The following CEP72 variants were observed in gnomAD, a reference collection of about 807,000 sequenced individuals.
CEP72 encodes centrosomal protein of 72 kDa.
In CEP72, 78 loss-of-function variants were observed where a neutral mutation model predicts 65.7. The ratio of observed to expected loss-of-function variants is 1.19; its 90% CI spans 0.99 to 1.43. The LOEUF (loss-of-function observed/expected upper bound fraction) is 1.43. Among genes scored for constraint, CEP72 ranks in the 40% most tolerant of loss-of-function variants. The pLI, the probability that CEP72 is intolerant of heterozygous loss-of-function variation, is 0.00. For missense variants in CEP72, 914 were observed against 832.9 expected (o/e 1.10, Z -1.20); for synonymous variants, 358 against 351.7 (o/e 1.02, Z -0.20).
At chr5:653,614 G>C (rs188216951), downstream of CEP72, 2 of 153,044 alleles carry the variant, frequency 1.3e-5, no homozygotes, top group African/African-American at 4.8e-5. Context: ...GTTTTTTATA[G>C]AACAAGCTGT....
Position 647,919 on chromosome 5 carries a change from G to T in CEP72, c.1778+3G>T. 1.9e-6 allele frequency: 3 copies of T among 1,605,466 alleles called. No homozygotes were observed. The highest frequency in any genetic ancestry group is 2.6e-6 in the Non-Finnish European group (3 of 1,175,082). On this transcript the variant is annotated splice_donor_region_variant and intron_variant, in intron 11 of 11. Transcript: ENST00000264935. Reference sequence around the variant, plus strand: ...CAGATGCTGCAGGAGAGCCACAGGTGCCTGCCCGTGAGACTTGGGTGGGCC... The same window carrying T: ...CAGATGCTGCAGGAGAGCCACAGGTTCCTGCCCGTGAGACTTGGGTGGGCC...
At chr5:648,552 ACTGTGAGG>A in intron 11 of CEP72, among the ~76,000 whole-genome samples, 1 of 107,386 alleles carries the variant, frequency 9.3e-6, no homozygotes, top group Admixed American at 9.6e-5. Flanking sequence ...GTGAGGTGTG[ACTGTGAGG>A]TGTGGACTGT....
intron 7 of CEP72, among the ~76,000 whole-genome samples, chr5:638,856 G>A (rs1230783818): frequency 6.6e-6 from 1 of 152,094 alleles, no homozygotes; most frequent in African/African-American, 2.4e-5. Context: ...GAATGTGTGG[G>A]CCCCGTCCTG....
In CEP72 at chr5:637,543, T is replaced by A. The variant is rs1737693612; in HGVS notation, c.931T>A (p.Ser311Thr). 6.2e-7 allele frequency: 1 copy of A among 1,613,958 alleles called. No homozygotes were observed. Among genetic ancestry groups the A allele is most frequent in the East Asian group, 2.2e-5 (1 of 44,876 alleles). ...PDSMDTEDSA[S>T]SQKLDLSGEM... ...CTCCATGGATACCGAGGACTCGGCCTCTTCTCAGAAGTTGGATTTGTCAGG... is the reference window on the plus strand; with the variant it reads ...CTCCATGGATACCGAGGACTCGGCCACTTCTCAGAAGTTGGATTTGTCAGG... The change falls in exon 7 of 12, where the codon TCT (serine) becomes ACT (threonine). Residue 311 changes from serine to threonine, a missense_variant. Coordinates refer to ENST00000264935, the MANE Select transcript of CEP72 (RefSeq NM_018140.4).
chr5:641,354 C>T (rs570974076), intron 9 of CEP72: 142 of 985,302 alleles, frequency 1.4e-4, no homozygotes, highest in Non-Finnish European at 1.6e-4. Context: ...GGCAGAGCCA[C>T]GTGAGGATGT....
intron 4 of CEP72, among the ~76,000 whole-genome samples, chr5:628,599 T>G (rs1347204278): frequency 2.1e-5 from 1 of 47,754 alleles, no homozygotes; most frequent in Non-Finnish European, 5.7e-5. Context: ...TTTGTGCAGC[T>G]TCTGGAGAAC....
At chr5:613,153 T>C (rs1435701191) in intron 1 of CEP72, among the ~76,000 whole-genome samples, 3 of 151,856 alleles carry the variant, frequency 2.0e-5, no homozygotes, top group African/African-American at 7.3e-5. Context: ...ACTTGTGGAG[T>C]GTGTGTGTTG....
At chr5:620,993 A>G (rs1032796666) in intron 3 of CEP72, among the ~76,000 whole-genome samples, 4 of 152,338 alleles carry the variant, frequency 2.6e-5, no homozygotes, top group East Asian at 1.9e-4. Flanking sequence ...GCCTCAGCCC[A>G]GGGGCACACT....
intron 9 of CEP72, chr5:644,006 G>A (rs1738243808): frequency 3.0e-6 from 1 of 335,056 alleles, no homozygotes; most frequent in Non-Finnish European, 5.5e-6. Flanking sequence ...AGGCCTGCAG[G>A]TCCTGCTGGA....
Position 635,540 on chromosome 5 carries a change from C to T in CEP72, c.860C>T (p.Ala287Val), listed in dbSNP as rs758080885. 1 of 1,613,858 alleles carries T rather than the reference C, an allele frequency of 6.2e-7. No individual in the cohort carries two copies. Among genetic ancestry groups the T allele is most frequent in the Non-Finnish European group, 8.5e-7 (1 of 1,179,986 alleles). Residue 287 changes from alanine (A) to valine (V), a missense_variant, in exon 6 of 12, where the codon GCC becomes GTC. Physicochemically the swap from Ala to Val is moderately conservative, Grantham distance 64. Coordinates refer to ENST00000264935, the MANE Select transcript of CEP72 (RefSeq NM_018140.4). ...LPPLYGAEPE[A>V]SRAPRPHTYF... ...CCACTGTACGGAGCGGAGCCAGAGG[C>T]CTCCCGTGCCCCCAGGCCACACACG...
chr5:623,294 A>G lies in CEP72; in HGVS notation c.404-1177A>G, dbSNP rs1736518854. On this transcript the variant is annotated intron_variant, in intron 3 of 11. Coordinates refer to ENST00000264935, the MANE Select transcript of CEP72 (RefSeq NM_018140.4). The surrounding 1 kb of genome is among the most constrained non-coding windows in gnomAD (Gnocchi z 5.3). ...GGCAGTCAGAGGCGCTGCGGGAACC[A>G]CGGAGGTGCGGGGCCCCGGGACGGC... 6.6e-6 allele frequency among the ~76,000 whole-genome samples: 1 copy of G among 152,238 alleles called. No homozygotes were observed. Among genetic ancestry groups the G allele is most frequent in the Non-Finnish European group, 1.5e-5 (1 of 68,032 alleles).
Position 620,227 on chromosome 5 carries a change from T to G in CEP72, c.369T>G (p.Phe123Leu). The change falls in exon 3 of 12, where the codon TTT becomes TTG. Residue 123 changes from phenylalanine (F) to leucine (L), a missense_variant. Transcript: ENST00000264935. ...AGGTTGAGCCTGACTACCGCCTTTT[T>G]GTTGTGCACCTGCTCCCCAAGCTCC... Reference protein sequence around the residue: ...VVKVEPDYRLFVVHLLPKLQQ... With the variant: ...VVKVEPDYRLLVVHLLPKLQQ... 7 of 1,614,084 alleles carry G rather than the reference T, an allele frequency of 4.3e-6. No homozygotes were observed. The highest frequency in any genetic ancestry group is 5.9e-6 in the Non-Finnish European group (7 of 1,179,930).
downstream of CEP72, among the ~76,000 whole-genome samples, chr5:669,122 G>C (rs1454282223): frequency 6.6e-6 from 1 of 152,242 alleles, no homozygotes; most frequent in African/African-American, 2.4e-5. Flanking sequence ...GTCCCAGGGA[G>C]GGGAGCGGAG....
At position 639,106 on chromosome 5, in the gene CEP72, C is replaced by T. The variant is rs781709997; in HGVS notation, c.1224C>T (p.His408=). The T allele has an allele frequency of 2.0e-5, 32 of 1,613,420 alleles. 1 individual carries two copies. In the South Asian group the frequency reaches 3.4e-4, roughly 17 times the overall value. ...CATCACAGCCGTCTCCCGGGTCACA[C>T]TCGGCTCTACCCGGGAAGAAGACGG... is the stretch of plus-strand genomic sequence containing the variant. The part of the protein sequence containing the change: ...TDTREPSPGS[H]SALPGKKTAL... The change falls in exon 8 of 12, where the codon CAC becomes CAT. Residue 408 remains histidine, a synonymous_variant. Coordinates refer to ENST00000264935, the MANE Select transcript of CEP72 (RefSeq NM_018140.4).
At position 635,554 on chromosome 5, in the gene CEP72, A is replaced by C; in HGVS notation, c.874A>C (p.Arg292=). 2 of 1,613,794 alleles carry C rather than the reference A, an allele frequency of 1.2e-6. No individual in the cohort carries two copies. Among genetic ancestry groups the C allele is most frequent in the Admixed American group, 3.3e-5 (2 of 60,020 alleles). The change falls in exon 6 of 12, where the codon AGG becomes CGG. Residue 292 remains arginine (R), a synonymous_variant. Coordinates refer to ENST00000264935, the MANE Select transcript of CEP72 (RefSeq NM_018140.4). The stretch of plus-strand genomic sequence containing the variant: ...GGAGCCAGAGGCCTCCCGTGCCCCC[A>C]GGCCACACACGTACTTCACCCCACA... ...GAEPEASRAP[R]PHTYFTPHPD...
intron 3 of CEP72, chr5:665,417 C>T (rs1739855242): frequency 1.1e-6 from 1 of 913,492 alleles, no homozygotes; most frequent in Admixed American, 2.8e-5. Flanking sequence ...GGGCATAAAC[C>T]CTGGGATTTA....
rs1191498220 is a variant in CEP72, at chr5:623,912, A to G, written c.404-559A>G. ...CGTGGGAACTTGTCACAGAATTCACATTACAAATGGGGGTTAAGATGTGTT... is the reference window on the plus strand; with the variant it reads ...CGTGGGAACTTGTCACAGAATTCACGTTACAAATGGGGGTTAAGATGTGTT... On this transcript the variant is annotated intron_variant, in intron 3 of 11. Transcript: ENST00000264935. This position sits in a 1 kb window ranked among gnomAD's most constrained non-coding sequence, Gnocchi z 5.3. Among the ~76,000 whole-genome samples the G allele has an allele frequency of 6.6e-6, 1 of 152,204 alleles. No homozygotes were observed. The highest frequency in any genetic ancestry group is 2.4e-5 in the African/African-American group (1 of 41,450).
downstream of CEP72, chr5:661,522 A>G (rs1439417628): frequency 6.6e-6 from 1 of 152,418 alleles, no homozygotes; most frequent in African/African-American, 2.4e-5. Flanking sequence ...TCACAAATAC[A>G]CATTTATTTT....
chr5:658,879 AG>A (rs1739468105), downstream of CEP72, among the ~76,000 whole-genome samples: 1 of 152,126 alleles, frequency 6.6e-6, no homozygotes, highest in Non-Finnish European at 1.5e-5. Flanking sequence ...TGTGTTAGCC[AG>A]GATGGTCTCA....
Sources: gnomAD v4.1 joint callset for allele counts (sites outside exome capture counted in the v4.1 genomes callset) on GRCh38, gnomAD v4.1.1 for gene constraint, Gnocchi (gnomAD v3.1) non-coding constraint, MANE v1.5 for transcripts, NCBI Gene and HGNC (gene_info 2026-07-23, HGNC 2026-07-21) for gene names.